CCDC38: variants seen among roughly 807,000 people sequenced by gnomAD.
The protein encoded by CCDC38 is coiled-coil domain-containing protein 38.
Under a neutral mutation model 72.8 loss-of-function variants are expected in CCDC38, and 69 were observed. The observed-to-expected ratio is 0.95, with a 90% CI of 0.78 to 1.16. The LOEUF (loss-of-function observed/expected upper bound fraction) is 1.16, where lower values mean the gene tolerates loss of function less well. CCDC38 is among the 50% of genes most tolerant of loss of function. CCDC38 has a pLI of 0.00. For missense variants in CCDC38, 626 were observed against 638.9 expected, an observed-to-expected ratio of 0.98 and a Z score of 0.22; for synonymous variants, 201 against 213.2, an observed-to-expected ratio of 0.94 and a Z score of 0.50.
At chr12:95,928,441 T>G (rs201139319) in intron 2 of CCDC38, among the ~76,000 whole-genome samples, 2 of 150,714 alleles carry the variant, frequency 1.3e-5, no homozygotes, top group South Asian at 2.1e-4. Context: ...TACATTCTTC[T>G]AAACTTTTTT....
At chr12:95,907,113 CAT>C (rs912283418) in intron 4 of CCDC38, among the ~76,000 whole-genome samples, 3 of 150,186 alleles carry the variant, frequency 2.0e-5, no homozygotes, top group Non-Finnish European at 3.0e-5. Flanking sequence ...GGACACAGCA[CAT>C]GTTTCAGAGA....
intron 3 of CCDC38, among the ~76,000 whole-genome samples, chr12:95,918,476 C>T (rs1210952336): frequency 3.9e-5 from 6 of 152,144 alleles, no homozygotes; most frequent in Admixed American, 6.5e-5. Context: ...GTATTTCCTC[C>T]ACTCTGAGAT....
At chr12:95,939,683 C>A (rs2080429231) in intron 1 of CCDC38, among the ~76,000 whole-genome samples, 1 of 152,110 alleles carries the variant, frequency 6.6e-6, no homozygotes, top group African/African-American at 2.4e-5. Context: ...CATTTTGGAA[C>A]ATGTGAAATT....
rs1440032273 is a variant in CCDC38 at position 95,867,161 on chromosome 12, T to C, written c.1607A>G (p.Lys536Arg). The change falls in exon 16 of 16, where the codon AAA (lysine) becomes AGA (arginine). Residue 536 changes from lysine to arginine, a missense_variant. Lys to Arg is a conservative substitution (Grantham distance 26, BLOSUM62 2). Transcript: ENST00000344280. ...CTGCTGTTTGTTACCAGATGGAGGT[T>C]TTGAATGAAAGACAAGTCGTCTTCC... ...KLGRRLVFHS[K>R]PPSGNKQQLP... 1.2e-6 allele frequency: 2 copies of C among 1,606,894 alleles called. No homozygotes were observed. Among genetic ancestry groups the C allele is most frequent in the Non-Finnish European group, 1.7e-6 (2 of 1,175,658 alleles).
intron 15 of CCDC38, among the ~76,000 whole-genome samples, chr12:95,867,626 A>G (rs544241573): frequency 1.4e-4 from 22 of 152,346 alleles, no homozygotes; most frequent in Non-Finnish European, 2.9e-4. Flanking sequence ...TAAAAAGTCC[A>G]GAAAACCATG....
intron 5 of CCDC38, among the ~76,000 whole-genome samples, chr12:95,899,204 A>G (rs930258814): frequency 2.8e-4 from 43 of 152,334 alleles, no homozygotes; most frequent in African/African-American, 1.0e-3. Context: ...GTAATCAAAG[A>G]GGCCTGTTTA....
At chr12:95,881,348 ATAG>A (rs2079697909) in intron 11 of CCDC38, 134 bp downstream of exon 11, 1 of 567,330 alleles carries the variant, frequency 1.8e-6, no homozygotes, top group African/African-American at 2.0e-5. Flanking sequence ...CAATTGGAGA[ATAG>A]TATCAAAATT....
rs1287430813 is a variant in CCDC38 at position 95,926,598 on chromosome 12, T to C, written c.38-7622A>G. ...CCTTCCGCTAGCTTATGAATGTGTT[T>C]GCTCTTGCTTTTCTAGTTCTTTTAA... On this transcript the variant is annotated intron_variant, in intron 2 of 15. Coordinates refer to ENST00000344280, the MANE Select transcript of CCDC38 (RefSeq NM_182496.3). Among the ~76,000 whole-genome samples, 4 of 152,246 alleles carry C rather than the reference T, an allele frequency of 2.6e-5. No homozygotes were observed. In the East Asian group the frequency reaches 7.7e-4, roughly 29 times the overall value.
chr12:95,898,850 A>C, intron 5 of CCDC38, 119 bp from the exon 6 acceptor site: 4 of 985,570 alleles, frequency 4.1e-6, no homozygotes, highest in Non-Finnish European at 5.9e-6. Flanking sequence ...TAAATCTTGG[A>C]GCAATGGACT....
chr12:95,917,066 C>T (rs1449736690), intron 4 of CCDC38, 63 bp downstream of exon 4: 3 of 1,393,096 alleles, frequency 2.2e-6, no homozygotes, highest in African/African-American at 3.0e-5. Context: ...CAACAAAGCT[C>T]CCAAACCTGA....
intron 4 of CCDC38, among the ~76,000 whole-genome samples, chr12:95,906,824 A>G (rs111870880): frequency 0.01 from 683 of 66,000 alleles, 5 homozygotes; most frequent in African/African-American, 0.05. Flanking sequence ...TTATTTATTT[A>G]TTTATTTGTT....
At chr12:95,889,884 T>A (rs536486442) in intron 9 of CCDC38, among the ~76,000 whole-genome samples, 1 of 150,652 alleles carries the variant, frequency 6.6e-6, no homozygotes, top group South Asian at 2.1e-4. Flanking sequence ...TTTCATGACA[T>A]ATGCTTATTT....
chr12:95,896,141 T>A (rs992947955), intron 7 of CCDC38, among the ~76,000 whole-genome samples: 8 of 151,994 alleles, frequency 5.3e-5, no homozygotes, highest in Admixed American at 2.0e-4. Flanking sequence ...GAGGACCTAT[T>A]ACTACAGGCA....
chr12:95,913,622 C>T (rs7488389), intron 4 of CCDC38, among the ~76,000 whole-genome samples: 26,808 of 151,856 alleles, frequency 0.18, 3,255 homozygotes, highest in East Asian at 0.43. Flanking sequence ...TAAGTAAGCC[C>T]GGGTAGATAC....
At chr12:95,902,120 G>A (rs1376611425) in intron 5 of CCDC38, among the ~76,000 whole-genome samples, 1 of 152,182 alleles carries the variant, frequency 6.6e-6, no homozygotes, top group African/African-American at 2.4e-5. Flanking sequence ...ATGTTTGTAT[G>A]TTGGTGGCAA....
rs1158402654 is a variant in CCDC38 at position 95,869,562 on chromosome 12, T to A, written c.1496A>T (p.Glu499Val). 3 of 1,613,058 alleles carry A rather than the reference T, an allele frequency of 1.9e-6. No homozygotes were observed. Among genetic ancestry groups the A allele is most frequent in the Non-Finnish European group, 2.5e-6 (3 of 1,179,618 alleles). ...QKEWRQKFRDEKMKEKQRHQQ... is the reference protein window; with the variant it reads ...QKEWRQKFRDVKMKEKQRHQQ... ...GTGTCTTTGTTTTTCTTTCATTTTC[T>A]CATCACGAAACCTGTCACAAGAAGG... Residue 499 changes from glutamate to valine, a missense_variant, in exon 15 of 16, where the codon GAG (glutamate) becomes GTG (valine). By Grantham distance (121) the Glu-to-Val change is moderately radical (BLOSUM62 -2). Coordinates refer to ENST00000344280, the MANE Select transcript of CCDC38 (RefSeq NM_182496.3).
intron 2 of CCDC38, among the ~76,000 whole-genome samples, chr12:95,926,456 C>T (rs370889660): frequency 0.15 from 21,882 of 149,780 alleles, 1,836 homozygotes; most frequent in African/African-American, 0.25. Context: ...GTCTTGCTAG[C>T]GGTCTATCAA....
intron 7 of CCDC38, among the ~76,000 whole-genome samples, chr12:95,896,987 C>T (rs944986600): frequency 3.9e-5 from 6 of 152,130 alleles, no homozygotes; most frequent in Admixed American, 6.5e-5. Flanking sequence ...CTAATTGCAT[C>T]GGGGGTGAAA....
chr12:95,886,699 C>T (rs2079763428), intron 10 of CCDC38, among the ~76,000 whole-genome samples: 1 of 152,152 alleles, frequency 6.6e-6, no homozygotes, highest in Middle Eastern at 3.2e-3. Context: ...TGCAAACAAG[C>T]ACACGACAAG....
Sources: gnomAD v4.1 joint callset for allele counts (sites outside exome capture counted in the v4.1 genomes callset) on GRCh38, gnomAD v4.1.1 for gene constraint, MANE v1.5 for transcripts, NCBI Gene and HGNC (gene_info 2026-07-23, HGNC 2026-07-21) for gene names.